The following RPH3A variants were observed in gnomAD, a reference collection of about 807,000 sequenced individuals.
RPH3A encodes the protein rabphilin 3A, also known as rabphilin-3A.
RPH3A carries 48 observed loss-of-function variants against 102.2 expected under a neutral mutation model. The ratio of observed to expected loss-of-function variants is 0.47; its 90% CI spans 0.37 to 0.60. RPH3A has a LOEUF of 0.60. Ranked by LOEUF, RPH3A falls within the 20% of genes least tolerant of loss-of-function variation. The probability of loss-of-function intolerance (pLI) is 0.00; values close to 1 mark genes in which losing one functional copy is unlikely to be tolerated. For missense variants in RPH3A, 781 were observed against 910.1 expected (o/e 0.86, Z 1.83); for synonymous variants, 310 against 324.3 (o/e 0.96, Z 0.47).
chr12:112,643,628 C>T (rs894710537), intron 1 of RPH3A, among the ~76,000 whole-genome samples: 2 of 152,200 alleles, frequency 1.3e-5, no homozygotes, highest in African/African-American at 2.4e-5. Flanking sequence ...CCTTCATGTT[C>T]GTGTCAGCCT....
intron 1 of RPH3A, among the ~76,000 whole-genome samples, chr12:112,593,151 CCT>C (rs562151383): frequency 2.0e-5 from 3 of 151,806 alleles, no homozygotes; most frequent in Middle Eastern, 3.4e-3. Context: ...GAGCTTGCTG[CCT>C]CTCTCTCTCT....
intron 1 of RPH3A, among the ~76,000 whole-genome samples, chr12:112,717,710 G>T (rs1337274244): frequency 6.7e-6 from 1 of 149,606 alleles, no homozygotes; most frequent in Non-Finnish European, 1.5e-5. Flanking sequence ...CTGGTTTTGT[G>T]TGAATATAGG....
In RPH3A at chr12:112,875,073, T is replaced by G; in HGVS notation, c.797-11T>G. 6.3e-7 allele frequency: 1 copy of G among 1,599,690 alleles called. No homozygotes were observed. Among genetic ancestry groups the G allele is most frequent in the Non-Finnish European group, 8.5e-7 (1 of 1,173,162 alleles). ...ACACATAATGGCTGTTTTCTTTTCT[T>G]TCCTCTGCAGGTTTGAGACGGGCCA... On this transcript the variant is annotated splice_polypyrimidine_tract_variant and intron_variant, in intron 10 of 21. Transcript: ENST00000389385.
intron 2 of RPH3A, among the ~76,000 whole-genome samples, chr12:112,795,989 CTCA>C (rs2041220769): frequency 6.6e-6 from 1 of 152,172 alleles, no homozygotes; most frequent in African/African-American, 2.4e-5. Flanking sequence ...AGCTGTATGA[CTCA>C]CAAGAGGGAG....
chr12:112,795,768 T>C (rs2041216135), intron 2 of RPH3A, among the ~76,000 whole-genome samples: 1 of 152,210 alleles, frequency 6.6e-6, no homozygotes. Context: ...TCTCTGGACC[T>C]CAATTTTCCC....
At chr12:112,726,012 G>T (rs915929340) in intron 1 of RPH3A, among the ~76,000 whole-genome samples, 1 of 151,844 alleles carries the variant, frequency 6.6e-6, no homozygotes, top group African/African-American at 2.4e-5. Context: ...AGCCAGGATG[G>T]TCTCGATCTC....
At position 112,718,086 on chromosome 12, in the gene RPH3A, A is replaced by C. The variant is rs530018298; in HGVS notation, c.-139-74057A>C. 5 of 152,266 alleles carry C rather than the reference A, an allele frequency of 3.3e-5. No homozygotes were observed. The East Asian group carries it at 7.7e-4, about 24-fold the overall frequency. 9.4% of individuals were successfully genotyped at this position (152,266 alleles called of 1,614,324 possible). A position where few individuals can be genotyped will look rare whatever the true frequency, so the allele number is the denominator to read the frequency against. Reference sequence around the variant, plus strand: ...ACCCTTTCCCCTTTGCTATCCACACAGGTAAGGGTAAGGGGGAATTTATTT... The same window carrying C: ...ACCCTTTCCCCTTTGCTATCCACACCGGTAAGGGTAAGGGGGAATTTATTT... On this transcript the variant is annotated intron_variant, in intron 1 of 21. Coordinates refer to the RPH3A transcript ENST00000543106.
chr12:112,639,629 C>A (rs2039872519), intron 1 of RPH3A, among the ~76,000 whole-genome samples: 1 of 152,082 alleles, frequency 6.6e-6, no homozygotes, highest in African/African-American at 2.4e-5. Context: ...GCACATGTAC[C>A]CTGGAACTTG....
intron 1 of RPH3A, among the ~76,000 whole-genome samples, chr12:112,732,869 C>T (rs2040644022): frequency 6.6e-6 from 1 of 152,122 alleles, no homozygotes; most frequent in Non-Finnish European, 1.5e-5. Context: ...CCATCAAAAC[C>T]CTCAGTAGAT....
chr12:112,850,549 A>C (rs2042305782), intron 5 of RPH3A, among the ~76,000 whole-genome samples: 1 of 152,142 alleles, frequency 6.6e-6, no homozygotes, highest in Admixed American at 6.5e-5. Context: ...CAGAGTGGGG[A>C]GGACAGTCCC....
At chr12:112,589,628 G>A (rs1468246422) in intron 1 of RPH3A, among the ~76,000 whole-genome samples, 2 of 152,016 alleles carry the variant, frequency 1.3e-5, no homozygotes, top group African/African-American at 2.4e-5. Flanking sequence ...TCTGGCTTGC[G>A]TTATTTCTTT....
At chr12:112,778,272 C>T (rs960802017) in intron 1 of RPH3A, among the ~76,000 whole-genome samples, 20 of 152,192 alleles carry the variant, frequency 1.3e-4, no homozygotes, top group African/African-American at 4.8e-4. Flanking sequence ...TATGGAGAGG[C>T]TTTCTTTAAA....
intron 8 of RPH3A, 141 bp downstream of exon 8, chr12:112,868,736 A>G: frequency 2.4e-6 from 2 of 834,392 alleles, no homozygotes; most frequent in Non-Finnish European, 3.6e-6. Flanking sequence ...TAGGACTCCT[A>G]TATCTCCTTC....
At chr12:112,789,887 C>CA (rs144494791), upstream of RPH3A, among the ~76,000 whole-genome samples, 6,957 of 70,124 alleles carry the variant, frequency 0.099, 243 homozygotes, top group Middle Eastern at 0.18. Flanking sequence ...CCCATCTCTG[C>CA]AAAAAAAAAA....
chr12:112,608,922 C>T (rs2039618118), intron 1 of RPH3A, among the ~76,000 whole-genome samples: 1 of 152,110 alleles, frequency 6.6e-6, no homozygotes, highest in Admixed American at 6.5e-5. Context: ...GGAACTGAAT[C>T]AGATTTGAGT....
At chr12:112,687,061 A>C (rs778437736) in intron 1 of RPH3A, among the ~76,000 whole-genome samples, 1 of 152,188 alleles carries the variant, frequency 6.6e-6, no homozygotes, top group Non-Finnish European at 1.5e-5. Context: ...GGTGCAGTGA[A>C]CTACGATTGC....
At chr12:112,624,490 C>T (rs1173667676) in intron 1 of RPH3A, among the ~76,000 whole-genome samples, 3 of 148,954 alleles carry the variant, frequency 2.0e-5, no homozygotes, top group Non-Finnish European at 4.5e-5. Context: ...CATACACTCT[C>T]CCAAGACTAA....
intron 4 of RPH3A, chr12:112,837,857 C>CCCCTCCTTCCCT (rs759057271): frequency 2.2e-6 from 1 of 452,238 alleles, no homozygotes; most frequent in Non-Finnish European, 4.4e-6. Context: ...CCAGGCTCCT[C>CCCCTCCTTCCCT]CCCTCCTTCC....
intron 2 of RPH3A, among the ~76,000 whole-genome samples, chr12:112,816,907 A>G (rs2041682548): frequency 6.6e-6 from 1 of 152,200 alleles, no homozygotes; most frequent in African/African-American, 2.4e-5. Flanking sequence ...GTTTTGTGCC[A>G]GGCTCTGGAC....
Sources: allele counts gnomAD v4.1 joint callset (sites outside exome capture counted in the v4.1 genomes callset), GRCh38; gene constraint gnomAD v4.1.1; transcripts MANE v1.5; gene names NCBI Gene and HGNC (gene_info 2026-07-23, HGNC 2026-07-21).